The following GPR141 variants were observed in gnomAD, a reference collection of about 807,000 sequenced individuals.
GPR141 encodes probable G protein-coupled receptor 141.
In GPR141, 6 loss-of-function variants were observed where a neutral mutation model predicts 6.8. The observed-to-expected ratio is 0.88, with a 90% CI of 0.48 to 1.74. GPR141 has a LOEUF of 1.74. GPR141 is among the 40% of genes most tolerant of loss of function. GPR141 has a pLI of 0.01. For synonymous variants in GPR141, 140 were observed against 142.3 expected, an observed-to-expected ratio of 0.98 and a Z score of 0.11; for missense variants, 372 against 372.9, an observed-to-expected ratio of 1.00 and a Z score of 0.02.
intron 2 of GPR141, among the ~76,000 whole-genome samples, chr7:37,708,848 C>G (rs541249572): frequency 6.6e-6 from 1 of 152,188 alleles, no homozygotes; most frequent in Non-Finnish European, 1.5e-5. Flanking sequence ...GGTTTGACAT[C>G]TCACTCAAGC....
intron 2 of GPR141, among the ~76,000 whole-genome samples, chr7:37,690,294 C>T (rs9942609): frequency 0.39 from 59,172 of 151,910 alleles, 11,901 homozygotes; most frequent in African/African-American, 0.48. Flanking sequence ...TAATTCCCGG[C>T]GTTAGAGGTG....
chr7:37,707,271 C>T (rs577534802), intron 2 of GPR141, among the ~76,000 whole-genome samples: 2 of 152,228 alleles, frequency 1.3e-5, no homozygotes, highest in South Asian at 4.2e-4. Context: ...AAGTAGATAC[C>T]GTTATTACCA....
chr7:37,721,360 T>C (rs1006862294), intron 2 of GPR141, among the ~76,000 whole-genome samples: 6 of 152,224 alleles, frequency 3.9e-5, no homozygotes, highest in African/African-American at 1.4e-4. Flanking sequence ...ACTCAGGACC[T>C]GGTGACAAAA....
At chr7:37,704,585 G>A (rs2131767859) in intron 2 of GPR141, among the ~76,000 whole-genome samples, 1 of 152,204 alleles carries the variant, frequency 6.6e-6, no homozygotes, top group Admixed American at 6.5e-5. Context: ...TGACACATGG[G>A]GATTGTAGGG....
intron 2 of GPR141, among the ~76,000 whole-genome samples, chr7:37,724,369 A>G (rs1811516224): frequency 6.6e-6 from 1 of 152,190 alleles, no homozygotes; most frequent in Non-Finnish European, 1.5e-5. Context: ...TAGGATGTAC[A>G]GAGGAGGAGG....
At chr7:37,722,265 A>G (rs1019974408) in intron 2 of GPR141, among the ~76,000 whole-genome samples, 1 of 152,172 alleles carries the variant, frequency 6.6e-6, no homozygotes, top group Non-Finnish European at 1.5e-5. Context: ...GGAGACATCC[A>G]CTTGATGAGA....
rs1812468563 is a variant in GPR141, at chr7:37,740,384, C to T, written c.-10C>T. ...CTGGTGCTTTTTCTCCTCCAGGTGA[C>T]TTCCCAAGTATGCCTGGCCACAATA... On this transcript the variant is annotated 5_prime_UTR_variant, in exon 3 of 3. Transcript: ENST00000334425. 1 of 1,575,530 alleles carries T rather than the reference C, an allele frequency of 6.3e-7. No individual in the cohort carries two copies. The highest frequency in any genetic ancestry group is 2.3e-5 in the East Asian group (1 of 44,424).
At chr7:37,711,594 ATCCTTAAGAAAGATTC>A in intron 2 of GPR141, among the ~76,000 whole-genome samples, 1 of 152,284 alleles carries the variant, frequency 6.6e-6, no homozygotes, top group South Asian at 2.1e-4. Flanking sequence ...TAAAAATCAA[ATCCTTAAGAAAGATTC>A]TCCCTCTCCA....
At chr7:37,732,048 T>TATTC (rs1258745455) in intron 2 of GPR141, among the ~76,000 whole-genome samples, 1 of 148,522 alleles carries the variant, frequency 6.7e-6, no homozygotes, top group African/African-American at 2.4e-5. Context: ...TTTATTTATT[T>TATTC]ATTTATTTTA....
rs1401749965 is a variant in GPR141, at chr7:37,683,903, G to A, written c.-139G>A. ...ATCACTGAGAAATCTGGATTTTCAA[G>A]GTAAGTGCAGATGACTTAGGTTTGG... On this transcript the variant is annotated splice_region_variant and 5_prime_UTR_variant, in exon 1 of 3. Transcript: ENST00000334425. 6 of 152,148 alleles carry A rather than the reference G, an allele frequency of 3.9e-5. No individual in the cohort carries two copies. The highest frequency in any genetic ancestry group is 8.8e-5 in the Non-Finnish European group (6 of 68,032). 9.4% of individuals were successfully genotyped at this position (152,148 alleles called of 1,614,324 possible).
intron 2 of GPR141, among the ~76,000 whole-genome samples, chr7:37,695,513 C>T (rs1423981620): frequency 3.3e-5 from 5 of 152,192 alleles, no homozygotes; most frequent in Non-Finnish European, 2.9e-5. Flanking sequence ...GCTCACCTTT[C>T]TGACAATGGG....
chr7:37,710,000 C>A (rs1810713858), intron 2 of GPR141, among the ~76,000 whole-genome samples: 1 of 152,164 alleles, frequency 6.6e-6, no homozygotes, highest in Admixed American at 6.5e-5. Flanking sequence ...AGCATGGATT[C>A]TCTGTTCATG....
At chr7:37,708,823 T>G (rs1810659431) in intron 2 of GPR141, among the ~76,000 whole-genome samples, 2 of 152,170 alleles carry the variant, frequency 1.3e-5, no homozygotes, top group Admixed American at 1.3e-4. Flanking sequence ...TTTCATAGAT[T>G]ACAATGTGTG....
intron 2 of GPR141, among the ~76,000 whole-genome samples, chr7:37,701,431 A>C (rs554743845): frequency 1.3e-5 from 2 of 152,156 alleles, no homozygotes; most frequent in Non-Finnish European, 2.9e-5. Context: ...ATCTCAGCTC[A>C]ATTCTGTCTT....
chr7:37,740,662 T>C lies in GPR141; in HGVS notation c.269T>C (p.Phe90Ser), dbSNP rs750936533. The C allele has an allele frequency of 2.5e-6, 4 of 1,614,116 alleles. No homozygotes were observed. In the South Asian group the frequency reaches 4.4e-5, roughly 18 times the overall value. Residue 90 changes from phenylalanine to serine, a missense_variant, in exon 3 of 3, where the codon TTT becomes TCT. By Grantham distance (155) the Phe-to-Ser change is radical. Transcript: ENST00000334425. ...TWMFGLPFCK[F>S]VSAMLHIHMY... ...ATGTTTGGGCTGCCCTTCTGCAAATTTGTGAGTGCCATGCTGCACATCCAC... is the reference window on the plus strand; with the variant it reads ...ATGTTTGGGCTGCCCTTCTGCAAATCTGTGAGTGCCATGCTGCACATCCAC...
chr7:37,693,808 T>C (rs930293941), intron 2 of GPR141, among the ~76,000 whole-genome samples: 7 of 152,148 alleles, frequency 4.6e-5, no homozygotes, highest in Admixed American at 2.0e-4. Context: ...TTGTTTTGCC[T>C]GTAAATGTGG....
chr7:37,693,480 A>T (rs564734185), intron 2 of GPR141, among the ~76,000 whole-genome samples: 4 of 152,306 alleles, frequency 2.6e-5, no homozygotes, highest in Non-Finnish European at 4.4e-5. Context: ...TGTCTTGGTT[A>T]TATGGGCTTG....
At chr7:37,708,993 G>A (rs530020743) in intron 2 of GPR141, among the ~76,000 whole-genome samples, 22 of 152,092 alleles carry the variant, frequency 1.4e-4, no homozygotes, top group Non-Finnish European at 2.4e-4. Flanking sequence ...TAATTAAGCC[G>A]AGTAAAATTA....
At chr7:37,736,362 C>G (rs533831993) in intron 2 of GPR141, among the ~76,000 whole-genome samples, 1 of 151,658 alleles carries the variant, frequency 6.6e-6, no homozygotes, top group Non-Finnish European at 1.5e-5. Context: ...TCTAACATAA[C>G]TATAATTGAA....
Sources: allele counts gnomAD v4.1 joint callset (sites outside exome capture counted in the v4.1 genomes callset), GRCh38; gene constraint gnomAD v4.1.1; transcripts MANE v1.5; gene names NCBI Gene and HGNC (gene_info 2026-07-23, HGNC 2026-07-21).